The following MS4A1 variants were observed in gnomAD, a reference collection of about 807,000 sequenced individuals.
MS4A1 encodes membrane spanning 4-domains A1, also known as B-lymphocyte antigen CD20.
Under a neutral mutation model 26.5 loss-of-function variants are expected in MS4A1, and 16 were observed. That is an observed-to-expected ratio of 0.60 (90% CI 0.41 to 0.92). The LOEUF is 0.92. Ranked by LOEUF, MS4A1 falls within the 40% of genes least tolerant of loss-of-function variation. The probability of loss-of-function intolerance (pLI) is 0.00; values close to 1 mark genes in which losing one functional copy is unlikely to be tolerated. For synonymous variants in MS4A1, 128 were observed against 117.6 expected (o/e 1.09, Z -0.57); for missense variants, 350 against 353.0 (o/e 0.99, Z 0.07).
At chr11:60,457,973 A>G (rs2135191885) in intron 1 of MS4A1, 1 of 152,366 alleles carries the variant, frequency 6.6e-6, no homozygotes, top group African/African-American at 2.4e-5. Flanking sequence ...TTAGCACCTT[A>G]ACAAATGCAA....
intron 6 of MS4A1, 56 bp from the exon 7 acceptor site, chr11:60,466,903 C>A (rs1466855692): frequency 1.3e-6 from 2 of 1,506,420 alleles, no homozygotes; most frequent in African/African-American, 1.4e-5. Context: ...TGAACACCAA[C>A]AATGTTCTTT....
Position 60,468,746 on chromosome 11 carries a change from T to C in MS4A1, c.*278T>C, listed in dbSNP as rs2086317282. On this transcript the variant is annotated 3_prime_UTR_variant, in exon 8 of 8. Transcript: ENST00000345732. ...CAGAATGTGATTTCCTACTAACCTG[T>C]TCCTTGGATAGGCTTTTTAGTATAG... 2.3e-6 allele frequency: 1 copy of C among 436,574 alleles called. No individual in the cohort carries two copies. Among genetic ancestry groups the C allele is most frequent in the South Asian group, 3.0e-5 (1 of 33,102 alleles). The allele number at this position is 436,574 out of a possible 1,614,324, so 27.0% of individuals were successfully genotyped here. A position where few individuals can be genotyped will look rare whatever the true frequency, so the allele number is the denominator to read the frequency against.
intron 1 of MS4A1, among the ~76,000 whole-genome samples, chr11:60,460,357 C>T (rs1366916776): frequency 1.3e-5 from 2 of 152,178 alleles, no homozygotes; most frequent in African/African-American, 4.8e-5. Flanking sequence ...GATGATTCAC[C>T]CCTTGCCTGT....
chr11:60,466,065 T>C lies in MS4A1; in HGVS notation c.481T>C (p.Tyr161His), dbSNP rs745437493. Residue 161 changes from tyrosine (Y) to histidine (H), a missense_variant, in exon 6 of 8, where the codon TAT becomes CAT. Tyr to His is a moderately conservative substitution (Grantham distance 83). Transcript: ENST00000345732. ...GAATTTTATTAGAGCTCACACACCA[T>C]ATATTAACATATACAACTGTGAACC... ...SLNFIRAHTP[Y>H]INIYNCEPAN... 16 of 1,613,984 alleles carry C rather than the reference T, an allele frequency of 9.9e-6. No individual in the cohort carries two copies. Among genetic ancestry groups the C allele is most frequent in the Non-Finnish European group, 1.4e-5 (16 of 1,179,868 alleles).
intron 5 of MS4A1, among the ~76,000 whole-genome samples, chr11:60,464,979 T>C (rs2086278884): frequency 6.6e-6 from 1 of 152,172 alleles, no homozygotes; most frequent in South Asian, 2.1e-4. Flanking sequence ...TCCCAAAAAA[T>C]TCCTCCCCCA....
At chr11:60,465,865 T>A in intron 5 of MS4A1, 56 bp from the exon 6 acceptor site, 2 of 1,379,372 alleles carry the variant, frequency 1.4e-6, no homozygotes, top group South Asian at 1.2e-5. Flanking sequence ...CCCTCCCAGA[T>A]TATGTTTTCC....
intron 2 of MS4A1, 24 bp from the exon 3 acceptor site, chr11:60,462,161 C>T: frequency 1.5e-6 from 1 of 660,842 alleles, no homozygotes; most frequent in Non-Finnish European, 2.8e-6. Flanking sequence ...TCTTCCTAAA[C>T]AACCCCTCCA....
In MS4A1 at chr11:60,461,094, ATC is replaced by A. The variant is rs2086243787; in HGVS notation, c.-253_-252del. On this transcript the variant is annotated 5_prime_UTR_variant, in exon 2 of 8. Coordinates refer to ENST00000345732, the MANE Select transcript of MS4A1 (RefSeq NM_152866.3). Reference sequence around the variant, plus strand: ...TAGATCCTGAACAAGAGAGAACAAAATCTCTACTTTGATGGAACTTCCATTCT... The same window carrying A: ...TAGATCCTGAACAAGAGAGAACAAAATCTACTTTGATGGAACTTCCATTCT... The A allele has an allele frequency of 1.3e-5, 2 of 151,910 alleles. No individual in the cohort carries two copies. Among genetic ancestry groups the A allele is most frequent in the South Asian group, 4.1e-4 (2 of 4,832 alleles). The allele number at this position is 151,910 out of a possible 1,614,324, so 9.4% of individuals were successfully genotyped here.
At chr11:60,456,518 T>C (rs139433818) in intron 1 of MS4A1, among the ~76,000 whole-genome samples, 1 of 152,312 alleles carries the variant, frequency 6.6e-6, no homozygotes, top group East Asian at 1.9e-4. Context: ...GCTAACATTT[T>C]CTGGAGGGGA....
In MS4A1 at chr11:60,466,057, A is replaced by T. The variant is rs1044030138; in HGVS notation, c.473A>T (p.His158Leu). 2 of 1,613,890 alleles carry T rather than the reference A, an allele frequency of 1.2e-6. No individual in the cohort carries two copies. Among genetic ancestry groups the T allele is most frequent in the Non-Finnish European group, 1.7e-6 (2 of 1,179,900 alleles). ...KMESLNFIRAHTPYINIYNCE... is the reference protein window; with the variant it reads ...KMESLNFIRALTPYINIYNCE... ...GAGAGTCTGAATTTTATTAGAGCTCACACACCATATATTAACATATACAAC... is the reference window on the plus strand; with the variant it reads ...GAGAGTCTGAATTTTATTAGAGCTCTCACACCATATATTAACATATACAAC... Residue 158 changes from histidine (H) to leucine (L), a missense_variant, in exon 6 of 8, where the codon CAC becomes CTC. Physicochemically the swap from His to Leu is moderately conservative, Grantham distance 99. Transcript: ENST00000345732.
At chr11:60,456,803 C>T (rs1219265385) in intron 1 of MS4A1, among the ~76,000 whole-genome samples, 1 of 151,994 alleles carries the variant, frequency 6.6e-6, no homozygotes, top group Non-Finnish European at 1.5e-5. Context: ...TTTGTTTGTT[C>T]ATTTTTTAGT....
chr11:60,456,579 G>A (rs1394689024), intron 1 of MS4A1, among the ~76,000 whole-genome samples: 1 of 152,112 alleles, frequency 6.6e-6, no homozygotes, highest in East Asian at 1.9e-4. Flanking sequence ...CTATCACATG[G>A]GAAACCAAGA....
At chr11:60,457,868 G>A (rs2086216934) in intron 1 of MS4A1, among the ~76,000 whole-genome samples, 1 of 152,178 alleles carries the variant, frequency 6.6e-6, no homozygotes, top group Admixed American at 6.5e-5. Context: ...AAGAAAAAGT[G>A]AGCCTGGGCA....
chr11:60,465,747 G>T (rs1043860151), intron 5 of MS4A1, 174 bp from the exon 6 acceptor site: 1 of 622,654 alleles, frequency 1.6e-6, no homozygotes, highest in Non-Finnish European at 2.9e-6. Context: ...GAACAGGATA[G>T]AGACATGATT....
At chr11:60,456,643 T>C (rs893558514) in intron 1 of MS4A1, among the ~76,000 whole-genome samples, 4 of 152,172 alleles carry the variant, frequency 2.6e-5, no homozygotes, top group Non-Finnish European at 1.5e-5. Context: ...AAACAAGGAT[T>C]AATTTTAATC....
intron 6 of MS4A1, 41 bp from the exon 7 acceptor site, chr11:60,466,918 C>T (rs775610725): frequency 1.3e-6 from 2 of 1,559,168 alleles, no homozygotes; most frequent in African/African-American, 1.4e-5. Flanking sequence ...TTCTTTGTGC[C>T]ATTATTACAT....
At chr11:60,463,979 T>C in intron 4 of MS4A1, 2 of 444,334 alleles carry the variant, frequency 4.5e-6, no homozygotes, top group South Asian at 4.9e-5. Flanking sequence ...TTTAAATTTA[T>C]GGTATGAGTA....
At chr11:60,457,752 C>T (rs1362468654) in intron 1 of MS4A1, among the ~76,000 whole-genome samples, 3 of 152,188 alleles carry the variant, frequency 2.0e-5, no homozygotes, top group Non-Finnish European at 4.4e-5. Context: ...AGACCAGTTT[C>T]AGTCCACTGA....
intron 5 of MS4A1, among the ~76,000 whole-genome samples, chr11:60,465,076 CTCAGT>C (rs2086279872): frequency 6.6e-6 from 1 of 152,192 alleles, no homozygotes; most frequent in Non-Finnish European, 1.5e-5. Context: ...GCCTGACACA[CTCAGT>C]TTGGGGGGAA....
Sources: allele counts gnomAD v4.1 joint callset (sites outside exome capture counted in the v4.1 genomes callset), GRCh38; gene constraint gnomAD v4.1.1; transcripts MANE v1.5; gene names NCBI Gene and HGNC (gene_info 2026-07-23, HGNC 2026-07-21).